The following MED12L variants were observed in gnomAD, a reference collection of about 807,000 sequenced individuals.
MED12L encodes mediator of RNA polymerase II transcription subunit 12-like protein.
In MED12L, 60 loss-of-function variants were observed where a neutral mutation model predicts 281.3. The observed-to-expected ratio is 0.21, with a 90% confidence interval of 0.17 to 0.26. The LOEUF is 0.26. Among genes scored for constraint, MED12L ranks in the 10% least tolerant of loss-of-function variants. The probability of loss-of-function intolerance (pLI) is 1.00; values close to 1 mark genes in which losing one functional copy is unlikely to be tolerated. For synonymous variants in MED12L, 974 were observed against 987.2 expected (o/e 0.99, Z 0.25); for missense variants, 2,146 against 2,680.9 (o/e 0.80, Z 4.41).
At chr3:151,371,247 A>T (rs1351530964) in intron 26 of MED12L, among the ~76,000 whole-genome samples, 2 of 152,130 alleles carry the variant, frequency 1.3e-5, no homozygotes, top group Non-Finnish European at 2.9e-5. Context: ...ATATATTTTG[A>T]GTTAGGGAGA....
intron 16 of MED12L, among the ~76,000 whole-genome samples, chr3:151,279,120 A>G (rs1169648344): frequency 3.3e-5 from 5 of 152,312 alleles, no homozygotes; most frequent in African/African-American, 9.6e-5. Context: ...TTTTCAGAAG[A>G]TGGCTACAAA....
chr3:151,103,826 T>C (rs1037342234), intron 2 of MED12L, among the ~76,000 whole-genome samples: 1 of 152,186 alleles, frequency 6.6e-6, no homozygotes, highest in African/African-American at 2.4e-5. Flanking sequence ...TCTTGGAGCA[T>C]ACATTGGACC....
At chr3:151,293,575 T>TCACACACACA (rs1744559224) in intron 16 of MED12L, among the ~76,000 whole-genome samples, 4 of 34,352 alleles carry the variant, frequency 1.2e-4, no homozygotes, top group Non-Finnish European at 1.8e-4. Flanking sequence ...AATGAAGCCC[T>TCACACACACA]TACACACACA....
chr3:151,086,465 T>C (rs868318756), intron 1 of MED12L: 62 of 150,198 alleles, frequency 4.1e-4, no homozygotes, highest in Admixed American at 9.9e-4. Flanking sequence ...GCCACCAGCC[T>C]AGGCGCCAAG....
chr3:151,087,852 C>G (rs1476218066), intron 2 of MED12L, among the ~76,000 whole-genome samples: 1 of 151,798 alleles, frequency 6.6e-6, no homozygotes, highest in East Asian at 1.9e-4. Flanking sequence ...TAATGATCAC[C>G]TTTGGCTACA....
At chr3:151,167,793 A>G (rs1560113866) in intron 11 of MED12L, among the ~76,000 whole-genome samples, 1 of 152,218 alleles carries the variant, frequency 6.6e-6, no homozygotes, top group South Asian at 2.1e-4. Context: ...TGTTTTTAGT[A>G]AAGACTTTCT....
intron 16 of MED12L, among the ~76,000 whole-genome samples, chr3:151,342,676 C>T (rs112246813): frequency 1.4e-4 from 22 of 152,230 alleles, no homozygotes; most frequent in African/African-American, 4.6e-4. Context: ...ACATAATAAT[C>T]CCCAAATGTT....
chr3:151,287,942 T>C (rs1368684721), intron 16 of MED12L, among the ~76,000 whole-genome samples: 4 of 152,216 alleles, frequency 2.6e-5, no homozygotes, highest in African/African-American at 4.8e-5. Context: ...TTGTGATTAA[T>C]AGAAGCGGCC....
intron 16 of MED12L, among the ~76,000 whole-genome samples, chr3:151,224,022 A>G (rs945895361): frequency 2.0e-5 from 3 of 152,198 alleles, no homozygotes; most frequent in African/African-American, 7.2e-5. Flanking sequence ...AAATATGCCT[A>G]ATATTACTGC....
At chr3:151,332,496 G>T (rs73157974) in intron 16 of MED12L, among the ~76,000 whole-genome samples, 1 of 151,762 alleles carries the variant, frequency 6.6e-6, no homozygotes, top group African/African-American at 2.4e-5. Flanking sequence ...GTAACAATCT[G>T]TTTTTCTGAG....
chr3:151,193,989 G>T (rs1488324795), intron 16 of MED12L, among the ~76,000 whole-genome samples: 1 of 144,246 alleles, frequency 6.9e-6, no homozygotes, highest in African/African-American at 2.6e-5. Flanking sequence ...TTTTGAGACG[G>T]AGTTTCATTC....
At chr3:151,316,715 A>G (rs999877732) in intron 16 of MED12L, 1 of 152,222 alleles carries the variant, frequency 6.6e-6, no homozygotes, top group African/African-American at 2.4e-5. Context: ...CTGGTAAAGC[A>G]TGAAAACGAA....
At position 151,259,945 on chromosome 3, in the gene MED12L, C is replaced by T. The variant is rs1299450996; in HGVS notation, c.2250+66279C>T. Among the ~76,000 whole-genome samples the T allele has an allele frequency of 2.0e-5, 3 of 152,282 alleles. No individual in the cohort carries two copies. In the East Asian group the frequency reaches 5.8e-4, roughly 29 times the overall value. ...TTTAATTCTAAGTTTGGAAACCAAT[C>T]CCCTTTTGGTATGTGGTAAATATTT... On this transcript the variant is annotated intron_variant, in intron 16 of 44. Coordinates refer to ENST00000687756, the MANE Select transcript of MED12L (RefSeq NM_001393769.1).
chr3:151,164,800 A>G (rs991757733), intron 9 of MED12L, among the ~76,000 whole-genome samples: 2 of 151,274 alleles, frequency 1.3e-5, no homozygotes, highest in African/African-American at 4.8e-5. Context: ...GGAATGGAAC[A>G]GTGAGAACAC....
intron 2 of MED12L, among the ~76,000 whole-genome samples, chr3:151,108,271 T>C (rs1711496093): frequency 6.6e-6 from 1 of 151,790 alleles, no homozygotes; most frequent in Non-Finnish European, 1.5e-5. Flanking sequence ...AGGGGGGTTG[T>C]AGTATTTTAA....
chr3:151,308,784 G>C (rs771087932), intron 16 of MED12L, among the ~76,000 whole-genome samples: 1 of 152,130 alleles, frequency 6.6e-6, no homozygotes, highest in Non-Finnish European at 1.5e-5. Flanking sequence ...TATGGTGCAA[G>C]TATTCTCCAG....
chr3:151,349,868 T>A (rs956578493), intron 16 of MED12L, among the ~76,000 whole-genome samples, 191 bp from the exon 17 acceptor site: 8 of 151,376 alleles, frequency 5.3e-5, no homozygotes, highest in African/African-American at 9.7e-5. Flanking sequence ...TTTTTTTTTT[T>A]ATAATGTTAG....
chr3:151,409,295 C>T lies in MED12L; in HGVS notation c.5873C>T (p.Pro1958Leu). Reference sequence around the variant, plus strand: ...TTTGCTGCGCAAGCACGGCCCTCCCCTCAGCTCCCTCAGTATCCAGGGCTG... The same window carrying T: ...TTTGCTGCGCAAGCACGGCCCTCCCTTCAGCTCCCTCAGTATCCAGGGCTG... ...ALFAAQARPS[P>L]QLPQYPGLQQ... is the part of the protein sequence containing the mutation. Residue 1958 changes from proline (P) to leucine (L), a missense_variant, in exon 40 of 45, where the codon CCT becomes CTT. This residue lies in a region of MED12L where 496 missense variants were observed against 512.0 expected (regional missense o/e 0.97). Transcript: ENST00000687756. 6.2e-7 allele frequency: 1 copy of T among 1,613,920 alleles called. No homozygotes were observed. The highest frequency in any genetic ancestry group is 8.5e-7 in the Non-Finnish European group (1 of 1,180,002).
chr3:151,226,147 A>G (rs954010483), intron 16 of MED12L, among the ~76,000 whole-genome samples: 21 of 152,226 alleles, frequency 1.4e-4, no homozygotes, highest in African/African-American at 4.1e-4. Flanking sequence ...AAGCACAGGA[A>G]CACAGTGAGC....
Sources: allele counts gnomAD v4.1 joint callset (sites outside exome capture counted in the v4.1 genomes callset), GRCh38; gene constraint gnomAD v4.1.1; regional missense constraint gnomAD v4.1.1; transcripts MANE v1.5; gene names NCBI Gene and HGNC (gene_info 2026-07-23, HGNC 2026-07-21).